The following PHIP variants were observed in gnomAD, a reference collection of about 807,000 sequenced individuals.
PHIP encodes the protein PH-interacting protein.
Under a neutral mutation model 236.8 loss-of-function variants are expected in PHIP, and 54 were observed. The ratio of observed to expected loss-of-function variants is 0.23; its 90% confidence interval spans 0.18 to 0.29. The LOEUF is 0.29. PHIP is among the 10% of genes least tolerant of loss of function. The probability of loss-of-function intolerance (pLI) is 1.00; values close to 1 mark genes in which losing one functional copy is unlikely to be tolerated. For synonymous variants in PHIP, 756 were observed against 718.9 expected, an observed-to-expected ratio of 1.05 and a Z score of -0.83; for missense variants, 1,370 against 2,190.8, an observed-to-expected ratio of 0.63 and a Z score of 7.48.
At chr6:79,005,857 C>T (rs1195066581) in intron 15 of PHIP, among the ~76,000 whole-genome samples, 1 of 151,916 alleles carries the variant, frequency 6.6e-6, no homozygotes, top group Non-Finnish European at 1.5e-5. Flanking sequence ...CAACCCTTGA[C>T]CCTATTATTT....
At chr6:78,977,509 A>G (rs1403240599) in intron 24 of PHIP, among the ~76,000 whole-genome samples, 1 of 152,148 alleles carries the variant, frequency 6.6e-6, no homozygotes, top group Non-Finnish European at 1.5e-5. Context: ...CATGTACCCT[A>G]AAACTTAAAT....
At chr6:78,976,880 G>A (rs1442137430) in intron 24 of PHIP, among the ~76,000 whole-genome samples, 1 of 85,800 alleles carries the variant, frequency 1.2e-5, no homozygotes, top group East Asian at 3.6e-4. Context: ...GAAACAACAG[G>A]TGCTGGAGAG....
At chr6:79,008,184 C>T (rs919218398) in intron 15 of PHIP, among the ~76,000 whole-genome samples, 15 of 149,638 alleles carry the variant, frequency 1.0e-4, no homozygotes, top group African/African-American at 2.2e-4. Context: ...AGCAAGACTC[C>T]GTCTAAAAAA....
chr6:79,053,655 T>C lies in PHIP; in HGVS notation c.439+6823A>G, dbSNP rs190993850. 6.4e-4 allele frequency among the ~76,000 whole-genome samples: 97 copies of C among 152,302 alleles called. 1 individual carries two copies. The South Asian group carries it at 8.1e-3, about 13-fold the overall frequency. ...TAAGAAAACACTGAATACGTAACTTTAAAGGATCCCTGAAGAAATTCAAAA... is the reference window on the plus strand; with the variant it reads ...TAAGAAAACACTGAATACGTAACTTCAAAGGATCCCTGAAGAAATTCAAAA... On this transcript the variant is annotated intron_variant, in intron 6 of 39. Transcript: ENST00000275034.
chr6:78,974,615 C>T lies in PHIP; in HGVS notation c.2890-3727G>A, dbSNP rs535741804. Among the ~76,000 whole-genome samples, 5 of 152,000 alleles carry T rather than the reference C, an allele frequency of 3.3e-5. No individual in the cohort carries two copies. In the South Asian group the frequency reaches 6.2e-4, roughly 19 times the overall value. On this transcript the variant is annotated intron_variant, in intron 24 of 39. Transcript: ENST00000275034. The stretch of plus-strand genomic sequence containing the variant: ...TGGTTTTTTGAAAGATCAACAAAAT[C>T]GATAGACCGCCAGCAAGACTAATAA...
intron 4 of PHIP, among the ~76,000 whole-genome samples, chr6:79,068,728 G>T (rs555328754): frequency 3.3e-5 from 5 of 152,086 alleles, no homozygotes; most frequent in Non-Finnish European, 7.4e-5. Flanking sequence ...CCTTCGTGTT[G>T]AACAAAATCT....
At chr6:79,069,178 T>C (rs566519060) in intron 4 of PHIP, among the ~76,000 whole-genome samples, 42 of 148,130 alleles carry the variant, frequency 2.8e-4, no homozygotes, top group Admixed American at 1.1e-3. Flanking sequence ...AATTATATTT[T>C]ATTATTTATA....
intron 39 of PHIP, 39 bp from the exon 40 acceptor site, chr6:78,941,369 C>CT (rs764959677): frequency 6.6e-6 from 10 of 1,513,962 alleles, no homozygotes; most frequent in Non-Finnish European, 8.0e-6. Context: ...TATGGAGTTT[C>CT]TTTTTTTGTT....
intron 39 of PHIP, among the ~76,000 whole-genome samples, chr6:78,943,285 AGATAAT>A (rs1377007328): frequency 2.6e-5 from 4 of 152,204 alleles, no homozygotes; most frequent in Non-Finnish European, 5.9e-5. Context: ...GTTAACTAAT[AGATAAT>A]GATATTTCTA....
At chr6:79,061,869 C>T (rs1016462893) in intron 4 of PHIP, among the ~76,000 whole-genome samples, 1 of 152,110 alleles carries the variant, frequency 6.6e-6, no homozygotes, top group African/African-American at 2.4e-5. Context: ...TAAATCATCT[C>T]ATTCCATCTT....
At chr6:78,966,177 A>G in intron 27 of PHIP, 121 bp from the exon 28 acceptor site, 1 of 641,626 alleles carries the variant, frequency 1.6e-6, no homozygotes, top group Non-Finnish European at 2.8e-6. Flanking sequence ...CAAAAAGTGA[A>G]CCACAAACTC....
In PHIP at chr6:79,077,733, C is replaced by T. The variant is rs1158189407; in HGVS notation, c.100-4G>A. On this transcript the variant is annotated splice_polypyrimidine_tract_variant and splice_region_variant and intron_variant, in intron 2 of 39. Transcript: ENST00000275034. ...CGGCCACCTCGCGGATCAGCACCTG[C>T]AACAACAAAGCGGGGAGAGCTGAGC... 1.6e-5 allele frequency: 16 copies of T among 1,012,586 alleles called. No homozygotes were observed. In the East Asian group the frequency reaches 1.4e-3, roughly 89 times the overall value. The allele number at this position is 1,012,586 out of a possible 1,614,324, so 62.7% of individuals were successfully genotyped here.
chr6:78,997,743 A>G, intron 18 of PHIP, 146 bp from the exon 19 acceptor site: 2 of 663,358 alleles, frequency 3.0e-6, no homozygotes, highest in South Asian at 4.4e-5. Flanking sequence ...GAACTAAACC[A>G]CAGGCAAAAG....
At chr6:78,984,857 CAAAGTTAGCCAAG>C (rs1480179293) in intron 22 of PHIP, among the ~76,000 whole-genome samples, 6 of 152,146 alleles carry the variant, frequency 3.9e-5, no homozygotes, top group African/African-American at 1.4e-4. Flanking sequence ...TAAGACCTTG[CAAAGTTAGCCAAG>C]GTCATAAGCT....
rs750961817 is a variant in PHIP at position 78,940,763 on chromosome 6, A to T, written c.5396T>A (p.Phe1799Tyr). 6.2e-7 allele frequency: 1 copy of T among 1,613,820 alleles called. No homozygotes were observed. The highest frequency in any genetic ancestry group is 1.7e-5 in the Admixed American group (1 of 60,004). ...GACTCGTCCTCTACTAGAAGTTCCA[A>T]AAGTTAAAGAGGTGTCTTCGAACAA... is the stretch of plus-strand genomic sequence containing the variant. ...QLLFEDTSLTFGTSSRGRVRK... is the reference protein window; with the variant it reads ...QLLFEDTSLTYGTSSRGRVRK... Residue 1799 changes from phenylalanine to tyrosine, a missense_variant, in exon 40 of 40, where the codon TTT becomes TAT. This residue lies in a region of PHIP where 30 missense variants were observed against 68.2 expected (regional missense o/e 0.44). Coordinates refer to ENST00000275034, the MANE Select transcript of PHIP (RefSeq NM_017934.7).
chr6:79,041,442 C>G (rs1772207692), intron 7 of PHIP, among the ~76,000 whole-genome samples: 4 of 152,092 alleles, frequency 2.6e-5, no homozygotes, highest in Admixed American at 2.0e-4. Flanking sequence ...CAATCCCTAT[C>G]ATTTTTAAAG....
Position 79,006,958 on chromosome 6 carries a change from A to T in PHIP, c.1525-3100T>A, listed in dbSNP as rs1007198729. ...AGGAGTAAAAAGAAAATAAAAGTAT[A>T]TTCAGCAATTATTGTATTTTGTTTT... is the stretch of plus-strand genomic sequence containing the variant. On this transcript the variant is annotated intron_variant, in intron 15 of 39. Coordinates refer to ENST00000275034, the MANE Select transcript of PHIP (RefSeq NM_017934.7). 2.0e-5 allele frequency among the ~76,000 whole-genome samples: 3 copies of T among 152,058 alleles called. No homozygotes were observed. In the East Asian group the frequency reaches 5.8e-4, roughly 29 times the overall value.
rs756702926 is a variant in PHIP, at chr6:78,946,880, A to AG, written c.4207-7dup. 2.9e-5 allele frequency: 45 copies of AG among 1,538,362 alleles called. No individual in the cohort carries two copies. The highest frequency in any genetic ancestry group is 3.6e-5 in the Non-Finnish European group (41 of 1,149,372). Reference sequence around the variant, plus strand: ...CGCAAACTCATGCTGTAAATCTGTGAGGGAAAAAAAAAAGTGTTCAACCAT... The same window carrying AG: ...CGCAAACTCATGCTGTAAATCTGTGAGGGGAAAAAAAAAAGTGTTCAACCAT... On this transcript the variant is annotated splice_polypyrimidine_tract_variant and splice_region_variant and intron_variant, in intron 36 of 39. Transcript: ENST00000275034.
rs1773899191 is a variant in PHIP, at chr6:78,947,647, T to C, written c.4182A>G (p.Ala1394=). 6.8e-7 allele frequency: 1 copy of C among 1,473,984 alleles called. No individual in the cohort carries two copies. The highest frequency in any genetic ancestry group is 2.3e-5 in the East Asian group (1 of 43,826). 91.3% of individuals were successfully genotyped at this position (1,473,984 alleles called of 1,614,324 possible). Residue 1394 remains alanine, a synonymous_variant, in exon 36 of 40, where the codon GCA becomes GCG. Transcript: ENST00000275034. ...CCCTTGATCTTTTGCTTGGTGTATA[T>C]GCTTTGGAATTACTGAAAATAAGTC... ...DVRLIFSNSK[A]YTPSKRSRIY... is the part of the protein sequence containing the mutation.
Sources: gnomAD v4.1 joint callset for allele counts (sites outside exome capture counted in the v4.1 genomes callset) on GRCh38, gnomAD v4.1.1 for gene constraint, gnomAD v4.1.1 regional missense constraint, MANE v1.5 for transcripts, NCBI Gene and HGNC (gene_info 2026-07-23, HGNC 2026-07-21) for gene names.